Variants in MAPK10 observed in about 807,000 individuals in gnomAD.
MAPK10 encodes the protein mitogen-activated protein kinase 10.
In MAPK10, 25 loss-of-function variants were observed where a neutral mutation model predicts 59.3. The observed-to-expected ratio is 0.42, with a 90% CI of 0.31 to 0.59. MAPK10 has a LOEUF of 0.59. Among genes scored for constraint, MAPK10 ranks in the 20% least tolerant of loss-of-function variants. The probability of loss-of-function intolerance (pLI) is 0.15; values close to 1 mark genes in which losing one functional copy is unlikely to be tolerated. For missense variants in MAPK10, 351 were observed against 568.9 expected (o/e 0.62, Z 3.90); for synonymous variants, 190 against 200.5 (o/e 0.95, Z 0.44).
At chr4:86,232,320 A>G (rs1175488977) in intron 2 of MAPK10, among the ~76,000 whole-genome samples, 1 of 152,204 alleles carries the variant, frequency 6.6e-6, no homozygotes, top group East Asian at 1.9e-4. Flanking sequence ...CTAGGAAGTT[A>G]CAGTTGTTCC....
chr4:86,232,567 G>T (rs1467215559), intron 2 of MAPK10, among the ~76,000 whole-genome samples: 1 of 152,018 alleles, frequency 6.6e-6, no homozygotes, highest in East Asian at 1.9e-4. Flanking sequence ...TAGAGACAGG[G>T]TTTCACCATC....
intron 4 of MAPK10, among the ~76,000 whole-genome samples, chr4:86,145,552 G>A (rs75055598): frequency 0.049 from 7,466 of 151,956 alleles, 615 homozygotes; most frequent in African/African-American, 0.17. Context: ...TGCTTCCTCC[G>A]AAATTGTTCT....
intron 1 of MAPK10, among the ~76,000 whole-genome samples, chr4:86,555,849 C>T (rs1017826252): frequency 3.3e-5 from 5 of 152,070 alleles, no homozygotes; most frequent in Admixed American, 3.3e-4. Flanking sequence ...TCTTGCATCC[C>T]TCAGAGTCAG....
At chr4:86,433,544 T>C (rs1401916389) in intron 1 of MAPK10, among the ~76,000 whole-genome samples, 1 of 149,696 alleles carries the variant, frequency 6.7e-6, no homozygotes, top group African/African-American at 2.5e-5. Flanking sequence ...TATCACAGTC[T>C]GGGCCTTCTT....
chr4:86,454,798 CA>C (rs1207277083), upstream of MAPK10, among the ~76,000 whole-genome samples: 1 of 151,952 alleles, frequency 6.6e-6, no homozygotes, highest in Non-Finnish European at 1.5e-5. Flanking sequence ...AAATTCATTG[CA>C]AAAAGGTTAT....
At chr4:86,542,318 GAGTTTT>G in intron 1 of MAPK10, among the ~76,000 whole-genome samples, 1 of 152,170 alleles carries the variant, frequency 6.6e-6, no homozygotes, top group East Asian at 1.9e-4. Flanking sequence ...TCAGAGACCA[GAGTTTT>G]AGCTCTGGCT....
At chr4:86,571,327 CGTGT>C (rs34133535) in intron 1 of MAPK10, among the ~76,000 whole-genome samples, 4,560 of 139,592 alleles carry the variant, frequency 0.033, 215 homozygotes, top group African/African-American at 0.1. Flanking sequence ...TATATATATA[CGTGT>C]GTGTGTGTGT....
intron 9 of MAPK10, among the ~76,000 whole-genome samples, chr4:86,074,294 C>A (rs531711971): frequency 2.1e-5 from 3 of 144,882 alleles, no homozygotes; most frequent in African/African-American, 7.8e-5. Flanking sequence ...TGTCTCTGCA[C>A]GTGAGATGGG....
intron 2 of MAPK10, among the ~76,000 whole-genome samples, chr4:86,201,610 C>T (rs1018453367): frequency 1.1e-4 from 17 of 151,784 alleles, no homozygotes; most frequent in Non-Finnish European, 4.4e-5. Context: ...GTTAGAGACA[C>T]GCATTACAAA....
intron 1 of MAPK10, among the ~76,000 whole-genome samples, chr4:86,569,656 A>G (rs1419249977): frequency 6.6e-6 from 1 of 152,138 alleles, no homozygotes; most frequent in Non-Finnish European, 1.5e-5. Context: ...GCAGCAACAT[A>G]GATGGGACTG....
intron 3 of MAPK10, among the ~76,000 whole-genome samples, chr4:86,178,073 C>T (rs914132686): frequency 2.0e-5 from 3 of 152,076 alleles, no homozygotes; most frequent in Non-Finnish European, 4.4e-5. Flanking sequence ...AACAACTCCA[C>T]ATTAAGACTG....
intron 11 of MAPK10, among the ~76,000 whole-genome samples, chr4:86,053,726 C>T (rs1231660467): frequency 2.0e-5 from 3 of 151,982 alleles, no homozygotes; most frequent in East Asian, 1.9e-4. Flanking sequence ...GCAGATGACA[C>T]GTTGGATAAT....
intron 1 of MAPK10, among the ~76,000 whole-genome samples, chr4:86,523,065 G>A (rs879731584): frequency 6.6e-6 from 1 of 152,090 alleles, no homozygotes; most frequent in African/African-American, 2.4e-5. Context: ...AGACTCATGG[G>A]AAATAATTAA....
At chr4:86,210,471 A>G (rs1321528800) in intron 2 of MAPK10, among the ~76,000 whole-genome samples, 1 of 152,020 alleles carries the variant, frequency 6.6e-6, no homozygotes, top group Non-Finnish European at 1.5e-5. Context: ...ATGTTCAATA[A>G]TAATTATATA....
chr4:86,329,123 G>A (rs2096091417), intron 2 of MAPK10, among the ~76,000 whole-genome samples: 2 of 152,126 alleles, frequency 1.3e-5, no homozygotes, highest in Admixed American at 1.3e-4. Flanking sequence ...CTCAAATGCT[G>A]GTACCTTGTT....
chr4:86,587,000 C>T (rs1272451027), intron 1 of MAPK10, among the ~76,000 whole-genome samples: 1 of 152,116 alleles, frequency 6.6e-6, no homozygotes, highest in Non-Finnish European at 1.5e-5. Flanking sequence ...AAATATCCAG[C>T]AATTCCAAAA....
intron 4 of MAPK10, among the ~76,000 whole-genome samples, chr4:86,143,432 A>C (rs1032622349): frequency 1.3e-5 from 2 of 152,154 alleles, no homozygotes; most frequent in African/African-American, 4.8e-5. Context: ...GGACAGAACA[A>C]CACTGTCAGG....
rs868481342 is a variant in MAPK10 at position 86,075,550 on chromosome 4, A to G, written c.803-7595T>C. 7.2e-5 allele frequency among the ~76,000 whole-genome samples: 11 copies of G among 152,306 alleles called. No individual in the cohort carries two copies. In the South Asian group the frequency reaches 1.9e-3, roughly 26 times the overall value. On this transcript the variant is annotated intron_variant, in intron 9 of 13. Transcript: ENST00000641462. ...TTATCTACTTTTGGTCTTTGATGAT[A>G]GTGATGTACAGATGGGTTTTCAGTG...
At chr4:86,310,068 C>T (rs141490604) in intron 2 of MAPK10, among the ~76,000 whole-genome samples, 20 of 152,270 alleles carry the variant, frequency 1.3e-4, no homozygotes, top group African/African-American at 4.6e-4. Context: ...ATCAGAAACT[C>T]AAAAGAATGC....
Sources: gnomAD v4.1 joint callset for allele counts (sites outside exome capture counted in the v4.1 genomes callset) on GRCh38, gnomAD v4.1.1 for gene constraint, MANE v1.5 for transcripts, NCBI Gene and HGNC (gene_info 2026-07-23, HGNC 2026-07-21) for gene names.